EPS15L1: variants seen among roughly 807,000 people sequenced by gnomAD.
EPS15L1 encodes epidermal growth factor receptor pathway substrate 15 like 1.
In EPS15L1, 43 loss-of-function variants were observed where a neutral mutation model predicts 117.1. The ratio of observed to expected loss-of-function variants is 0.37; its 90% CI spans 0.29 to 0.47. The LOEUF (loss-of-function observed/expected upper bound fraction) is 0.47, where lower values mean the gene tolerates loss of function less well. EPS15L1 is among the 20% of genes least tolerant of loss of function. EPS15L1 has a pLI of 0.99. For synonymous variants in EPS15L1, 459 were observed against 470.5 expected (o/e 0.98, Z 0.32); for missense variants, 981 against 1,164.0 (o/e 0.84, Z 2.29).
chr19:16,413,890 G>A, intron 12 of EPS15L1, 45 bp from the exon 13 acceptor site: 1 of 1,451,318 alleles, frequency 6.9e-7, no homozygotes, highest in Non-Finnish European at 9.7e-7. Context: ...TGAATAATAA[G>A]CCTCCACCCC....
Position 16,428,446 on chromosome 19 carries a change from G to GGAA in EPS15L1, c.558+255_558+256insTTC, listed in dbSNP as rs2092896013. On this transcript the variant is annotated intron_variant, in intron 8 of 23. Transcript: ENST00000455140. The stretch of plus-strand genomic sequence containing the variant: ...AAGGAAGGAAGGAAGGAAGGAAGGA[G>GGAA]GGAGGGAGGGAGACAGAGAGAGGAG... Among the ~76,000 whole-genome samples the GGAA allele has an allele frequency of 3.8e-5, 5 of 133,112 alleles. No homozygotes were observed. The East Asian group carries it at 1.0e-3, about 28-fold the overall frequency. 87.3% of individuals were successfully genotyped at this position (133,112 alleles called of 152,430 possible).
At chr19:16,374,863 G>A (rs763645860) in intron 22 of EPS15L1, among the ~76,000 whole-genome samples, 11 of 152,224 alleles carry the variant, frequency 7.2e-5, no homozygotes, top group East Asian at 1.9e-4. Flanking sequence ...GAGCACACAC[G>A]CACGCATATG....
intron 23 of EPS15L1, 71 bp from the exon 24 acceptor site, chr19:16,355,922 G>A (rs2144608569): frequency 5.3e-6 from 8 of 1,499,436 alleles, no homozygotes; most frequent in East Asian, 4.9e-5. Flanking sequence ...GGGAGGCAGG[G>A]AATGCGTGGG....
intron 13 of EPS15L1, among the ~76,000 whole-genome samples, chr19:16,408,223 C>G (rs537782645): frequency 1.0e-3 from 158 of 152,246 alleles, no homozygotes; most frequent in African/African-American, 3.5e-3. Context: ...GGAAGGGGAG[C>G]TCAGAGCAAA....
intron 12 of EPS15L1, among the ~76,000 whole-genome samples, chr19:16,416,007 A>G (rs2092754741): frequency 6.6e-6 from 1 of 152,168 alleles, no homozygotes; most frequent in Non-Finnish European, 1.5e-5. Context: ...GCTGCACTGA[A>G]CATGAAGTGG....
intron 13 of EPS15L1, among the ~76,000 whole-genome samples, chr19:16,410,978 G>A (rs1045273097): frequency 2.6e-5 from 4 of 152,134 alleles, no homozygotes; most frequent in Non-Finnish European, 5.9e-5. Context: ...GGAATTCAAC[G>A]CTAATATATG....
At chr19:16,442,644 C>A (rs1241371923) in intron 1 of EPS15L1, among the ~76,000 whole-genome samples, 1 of 152,176 alleles carries the variant, frequency 6.6e-6, no homozygotes, top group Non-Finnish European at 1.5e-5. Flanking sequence ...GGCCTGCAAG[C>A]TTTCGACCAG....
chr19:16,410,156 TA>T (rs1176794787), intron 13 of EPS15L1, among the ~76,000 whole-genome samples: 6 of 151,602 alleles, frequency 4.0e-5, no homozygotes, highest in Admixed American at 3.9e-4. Flanking sequence ...AAATGCAATT[TA>T]AAAATCGGCA....
intron 11 of EPS15L1, 103 bp from the exon 12 acceptor site, chr19:16,417,740 T>C: frequency 8.4e-7 from 1 of 1,188,540 alleles, no homozygotes; most frequent in Non-Finnish European, 1.2e-6. Flanking sequence ...GTCCCTTTAG[T>C]ACACAGGGTG....
chr19:16,361,835 A>AG lies in EPS15L1; in HGVS notation c.2529dup (p.Ser844LeufsTer5). 1 of 1,614,054 alleles carries AG rather than the reference A, an allele frequency of 6.2e-7. No individual in the cohort carries two copies. Among genetic ancestry groups the AG allele is most frequent in the Non-Finnish European group, 8.5e-7 (1 of 1,179,994 alleles). ...GCCTTAGAAGGTTTAGCTGCAGAGG[A>AG]GGGGACAAATGGGTCTTTTCCACTA... is the stretch of plus-strand genomic sequence containing the variant. On this transcript the variant is annotated frameshift_variant, in exon 23 of 24. Coordinates refer to ENST00000455140, the MANE Select transcript of EPS15L1 (RefSeq NM_001258374.3). LOFTEE classifies it high-confidence loss of function.
At chr19:16,395,320 G>C in intron 17 of EPS15L1, 24 bp downstream of exon 17, 1 of 1,606,952 alleles carries the variant, frequency 6.2e-7, no homozygotes, top group Non-Finnish European at 8.5e-7. Context: ...CTTTCAATGA[G>C]AAAGTGGGTA....
intron 6 of EPS15L1, 146 bp from the exon 7 acceptor site, chr19:16,434,636 T>C: frequency 3.6e-6 from 3 of 838,630 alleles, no homozygotes; most frequent in Non-Finnish European, 5.5e-6. Flanking sequence ...AGAACAGTCT[T>C]GGCCCCTTGG....
intron 21 of EPS15L1, among the ~76,000 whole-genome samples, chr19:16,379,613 G>A (rs1383714676): frequency 2.0e-5 from 3 of 152,246 alleles, no homozygotes; most frequent in Admixed American, 6.5e-5. Flanking sequence ...TAAGGCTCCA[G>A]CGTCTAGTCA....
chr19:16,365,878 T>C lies in EPS15L1; in HGVS notation c.2381-3894A>G, dbSNP rs182728569. ...CTCCAGCCCAGGGCTCGGCACACAGTGGGCTTCAGGAGGTCCTGGTGAACC... is the reference window on the plus strand; with the variant it reads ...CTCCAGCCCAGGGCTCGGCACACAGCGGGCTTCAGGAGGTCCTGGTGAACC... On this transcript the variant is annotated intron_variant, in intron 22 of 23. Coordinates refer to ENST00000455140, the MANE Select transcript of EPS15L1 (RefSeq NM_001258374.3). The surrounding 1 kb of genome is among the most constrained non-coding windows in gnomAD (Gnocchi z 4.9). Among the ~76,000 whole-genome samples the C allele has an allele frequency of 6.6e-6, 1 of 152,284 alleles. No homozygotes were observed. Among genetic ancestry groups the C allele is most frequent in the African/African-American group, 2.4e-5 (1 of 41,566 alleles).
intron 19 of EPS15L1, among the ~76,000 whole-genome samples, chr19:16,387,424 T>C (rs1228007528): frequency 6.6e-6 from 1 of 152,136 alleles, no homozygotes; most frequent in African/African-American, 2.4e-5. Context: ...CTGGTCAATA[T>C]GGTAAAACCC....
intron 19 of EPS15L1, among the ~76,000 whole-genome samples, chr19:16,389,679 T>C (rs1028349487): frequency 6.6e-6 from 1 of 152,226 alleles, no homozygotes; most frequent in East Asian, 1.9e-4. Flanking sequence ...AACAGTCTTA[T>C]GGAGTTTCTA....
intron 22 of EPS15L1, among the ~76,000 whole-genome samples, chr19:16,375,850 C>T (rs1289052617): frequency 6.6e-6 from 1 of 152,196 alleles, no homozygotes; most frequent in Non-Finnish European, 1.5e-5. Flanking sequence ...CATGGCCAGC[C>T]CAGGGGACAG....
At position 16,425,255 on chromosome 19, in the gene EPS15L1, G is replaced by C; in HGVS notation, c.620C>G (p.Ser207Cys). ...KEPVPSALPP[S>C]LIPPSKRKKT... ...CTTTCTCTTGGAGGGTGGGATGAGG[G>C]ACGGGGGCAGGGCGGAGGGCACGGG... Residue 207 changes from serine (S) to cysteine (C), a missense_variant, in exon 9 of 24, where the codon TCC becomes TGC. Physicochemically the swap from Ser to Cys is moderately radical, Grantham distance 112. Coordinates refer to ENST00000455140, the MANE Select transcript of EPS15L1 (RefSeq NM_001258374.3). 2 of 1,398,542 alleles carry C rather than the reference G, an allele frequency of 1.4e-6. No homozygotes were observed. The highest frequency in any genetic ancestry group is 2.0e-6 in the Non-Finnish European group (2 of 989,738). The allele number at this position is 1,398,542 out of a possible 1,614,324, so 86.6% of individuals were successfully genotyped here.
chr19:16,442,352 T>C, intron 1 of EPS15L1, 133 bp from the exon 2 acceptor site: 2 of 654,762 alleles, frequency 3.1e-6, no homozygotes, highest in South Asian at 3.6e-5. Context: ...ACTTTAAACA[T>C]CCTCTGAACA....
Sources: allele counts gnomAD v4.1 joint callset (sites outside exome capture counted in the v4.1 genomes callset), GRCh38; gene constraint gnomAD v4.1.1; non-coding constraint Gnocchi (gnomAD v3.1); transcripts MANE v1.5; gene names NCBI Gene and HGNC (gene_info 2026-07-23, HGNC 2026-07-21).